SH3PXD2B: variants seen among roughly 807,000 people sequenced by gnomAD.
SH3PXD2B encodes SH3 and PX domain-containing protein 2B.
SH3PXD2B carries 37 observed loss-of-function variants against 73.1 expected under a neutral mutation model. The ratio of observed to expected loss-of-function variants is 0.51; its 90% CI spans 0.39 to 0.67. The LOEUF is 0.67. Among genes scored for constraint, SH3PXD2B ranks in the 30% least tolerant of loss-of-function variants. The pLI is 0.00. For synonymous variants in SH3PXD2B, 457 were observed against 480.5 expected, an observed-to-expected ratio of 0.95 and a Z score of 0.64; for missense variants, 1,053 against 1,197.8, an observed-to-expected ratio of 0.88 and a Z score of 1.78.
At chr5:172,368,771 A>G (rs960980814) in intron 6 of SH3PXD2B, among the ~76,000 whole-genome samples, 1 of 121,624 alleles carries the variant, frequency 8.2e-6, no homozygotes, top group Non-Finnish European at 1.6e-5. Flanking sequence ...TATATAATAT[A>G]CATATATATT....
intron 2 of SH3PXD2B, among the ~76,000 whole-genome samples, chr5:172,420,912 CAG>C (rs1758950375): frequency 9.2e-5 from 14 of 152,000 alleles, no homozygotes; most frequent in Non-Finnish European, 1.6e-4. Flanking sequence ...GAAGCCAGAT[CAG>C]GTGACACCAA....
intron 10 of SH3PXD2B, among the ~76,000 whole-genome samples, chr5:172,349,491 A>G (rs146560454): frequency 6.6e-6 from 1 of 152,192 alleles, no homozygotes; most frequent in Admixed American, 6.5e-5. Flanking sequence ...ATACACGAGG[A>G]GGCTTTGAAA....
In SH3PXD2B at chr5:172,422,285, A is replaced by G. The variant is rs6873315; in HGVS notation, c.156+131T>C. On this transcript the variant is annotated intron_variant, in intron 2 of 12. Transcript: ENST00000311601. ...GCTGGGATTACAGGTGTGAGCCACC[A>G]CGCCCAGCCATGGATGTCATTTTTA... 380,917 of 852,670 alleles carry G rather than the reference A, an allele frequency of 0.45. 91,582 individuals are homozygous for G. The highest frequency in any genetic ancestry group is 0.71 in the African/African-American group (42,641 of 59,738). The allele number at this position is 852,670 out of a possible 1,614,324, so 52.8% of individuals were successfully genotyped here.
At chr5:172,448,673 T>C (rs1759728914) in intron 1 of SH3PXD2B, among the ~76,000 whole-genome samples, 1 of 152,220 alleles carries the variant, frequency 6.6e-6, no homozygotes, top group African/African-American at 2.4e-5. Context: ...GGAGCACAGA[T>C]TCCGTGCATA....
chr5:172,429,003 G>C (rs1043668739), intron 1 of SH3PXD2B, among the ~76,000 whole-genome samples: 2 of 152,174 alleles, frequency 1.3e-5, no homozygotes, highest in East Asian at 3.8e-4. Flanking sequence ...CAAAGCCAAT[G>C]AACGCTTTAC....
intron 5 of SH3PXD2B, among the ~76,000 whole-genome samples, chr5:172,380,922 G>A (rs539307485): frequency 6.6e-6 from 1 of 152,346 alleles, no homozygotes; most frequent in Non-Finnish European, 1.5e-5. Flanking sequence ...CATCAGTCCT[G>A]AGTGGTGTAC....
chr5:172,381,272 C>A (rs1307296204), intron 5 of SH3PXD2B, among the ~76,000 whole-genome samples: 1 of 152,144 alleles, frequency 6.6e-6, no homozygotes, highest in African/African-American at 2.4e-5. Context: ...CGAATGAGCC[C>A]AGACGGACCC....
intron 3 of SH3PXD2B, among the ~76,000 whole-genome samples, chr5:172,400,970 G>A (rs1471699037): frequency 6.6e-6 from 1 of 152,172 alleles, no homozygotes; most frequent in Non-Finnish European, 1.5e-5. Context: ...TAAGCGCTGT[G>A]ATCATAGGCC....
rs573617994 is a variant in SH3PXD2B at position 172,358,932 on chromosome 5, G to A, written c.563-55C>T. ...AGTTGCATCAAGCATGAGGCCGGGG[G>A]TCAGAACATAATAATCTATTCAGCC... On this transcript the variant is annotated intron_variant, in intron 7 of 12. Transcript: ENST00000311601. 92 of 1,510,112 alleles carry A rather than the reference G, an allele frequency of 6.1e-5. No homozygotes were observed. In the East Asian group the frequency reaches 2.0e-3, roughly 33 times the overall value. 93.5% of individuals were successfully genotyped at this position (1,510,112 alleles called of 1,614,324 possible). A position where few individuals can be genotyped will look rare whatever the true frequency, so the allele number is the denominator to read the frequency against.
intron 12 of SH3PXD2B, among the ~76,000 whole-genome samples, chr5:172,326,472 G>A (rs754030356): frequency 3.3e-5 from 5 of 152,220 alleles, no homozygotes; most frequent in Non-Finnish European, 7.3e-5. Context: ...GCCCTCCAAG[G>A]AGGGAGATTT....
chr5:172,381,982 G>A lies in SH3PXD2B; in HGVS notation c.401+54C>T, dbSNP rs1757956684. ...TGCTTTACTTGGGGGTGGCTGGACT[G>A]GCAGGAGGGAGGGCTGTGGGGCTCC... On this transcript the variant is annotated intron_variant, in intron 5 of 12. Transcript: ENST00000311601. The A allele has an allele frequency of 4.2e-6, 6 of 1,430,588 alleles. No individual in the cohort carries two copies. In the Admixed American group the frequency reaches 7.5e-5, roughly 18 times the overall value. The allele number at this position is 1,430,588 out of a possible 1,614,324, so 88.6% of individuals were successfully genotyped here.
At chr5:172,452,862 GA>G (rs374267700) in intron 1 of SH3PXD2B, among the ~76,000 whole-genome samples, 75 of 147,834 alleles carry the variant, frequency 5.1e-4, no homozygotes, top group Admixed American at 9.4e-4. Flanking sequence ...AAAAAGGAAG[GA>G]AAAAAAAAAG....
At chr5:172,342,654 G>A (rs10078057) in intron 12 of SH3PXD2B, among the ~76,000 whole-genome samples, 16,578 of 152,178 alleles carry the variant, frequency 0.11, 1,391 homozygotes, top group African/African-American at 0.24. Flanking sequence ...CCAGCTACGC[G>A]GGAGGCTGAG....
rs747169501 is a variant in SH3PXD2B at position 172,421,368 on chromosome 5, A to G, written c.156+1048T>C. On this transcript the variant is annotated intron_variant, in intron 2 of 12. Transcript: ENST00000311601. The surrounding 1 kb of genome is among the most constrained non-coding windows in gnomAD (Gnocchi z 4.0). ...GTTCACATTCTGCCTGGCTCCCTAT[A>G]AGACTGGTAGTATACATGGTGTTCG... Among the ~76,000 whole-genome samples the G allele has an allele frequency of 2.6e-5, 4 of 152,162 alleles. No individual in the cohort carries two copies. The highest frequency in any genetic ancestry group is 4.4e-5 in the Non-Finnish European group (3 of 68,038).
chr5:172,341,431 T>A (rs1244580893), intron 12 of SH3PXD2B, among the ~76,000 whole-genome samples: 4 of 152,064 alleles, frequency 2.6e-5, no homozygotes, highest in Non-Finnish European at 5.9e-5. Flanking sequence ...TCCCATGGGA[T>A]CTGGTTGTTT....
At chr5:172,386,314 T>C (rs534871086) in intron 4 of SH3PXD2B, among the ~76,000 whole-genome samples, 1 of 152,212 alleles carries the variant, frequency 6.6e-6, no homozygotes, top group South Asian at 2.1e-4. Context: ...CTCTCTATAC[T>C]GTCCCAGGTA....
At chr5:172,346,426 T>C (rs932542387) in intron 11 of SH3PXD2B, among the ~76,000 whole-genome samples, 165 bp from the exon 12 acceptor site, 1 of 152,072 alleles carries the variant, frequency 6.6e-6, no homozygotes, top group African/African-American at 2.4e-5. Context: ...AGTTTGTCAC[T>C]CCTCGGTGAG....
At position 172,338,454 on chromosome 5, in the gene SH3PXD2B, C is replaced by G. The variant is rs1561889831; in HGVS notation, c.2651G>C (p.Ser884Thr). Residue 884 changes from serine (S) to threonine (T), a missense_variant, in exon 13 of 13, where the codon AGT (serine) becomes ACT (threonine). Coordinates refer to ENST00000311601, the MANE Select transcript of SH3PXD2B (RefSeq NM_001017995.3). This position sits in a 1 kb window ranked among gnomAD's most constrained non-coding sequence, Gnocchi z 5.1. ...CAGGACCTGGCAGAACCACCAGCCA[C>G]TGCTGTTCTTCTCCCGGACTTCAAA... is the stretch of plus-strand genomic sequence containing the variant. ...TVFEVREKNSSGWWFCQVLSG... is the reference protein window; with the variant it reads ...TVFEVREKNSTGWWFCQVLSG... 1 of 1,614,230 alleles carries G rather than the reference C, an allele frequency of 6.2e-7. No individual in the cohort carries two copies. The highest frequency in any genetic ancestry group is 2.2e-5 in the East Asian group (1 of 44,882).
chr5:172,439,671 C>T (rs113099928), intron 1 of SH3PXD2B, among the ~76,000 whole-genome samples: 5,888 of 112,526 alleles, frequency 0.052, 144 homozygotes, highest in African/African-American at 0.08. Context: ...TATGTGTGTG[C>T]GTGCGTGCGC....
Sources: gnomAD v4.1 joint callset for allele counts (sites outside exome capture counted in the v4.1 genomes callset) on GRCh38, gnomAD v4.1.1 for gene constraint, Gnocchi (gnomAD v3.1) non-coding constraint, MANE v1.5 for transcripts, NCBI Gene and HGNC (gene_info 2026-07-23, HGNC 2026-07-21) for gene names.